Variants in TENM3 observed in about 807,000 individuals in gnomAD.
TENM3 encodes teneurin-3.
A neutral mutation model predicts 255.1 loss-of-function variants in TENM3; 63 were observed. The ratio of observed to expected loss-of-function variants is 0.25; its 90% confidence interval spans 0.20 to 0.30. The LOEUF is 0.30. TENM3 is among the 10% of genes least tolerant of loss of function. The pLI is 1.00. For missense variants in TENM3, 2,929 were observed against 3,461.1 expected, an observed-to-expected ratio of 0.85 and a Z score of 3.86; for synonymous variants, 1,306 against 1,322.3, an observed-to-expected ratio of 0.99 and a Z score of 0.27.
upstream of TENM3, among the ~76,000 whole-genome samples, chr4:182,239,159 C>T (rs2150054854): frequency 6.6e-6 from 1 of 151,872 alleles, no homozygotes; most frequent in South Asian, 2.1e-4. Flanking sequence ...TCACTGTAAC[C>T]TCCGCCTCCT....
chr4:182,085,977 T>G, the TENM3 span, among the ~76,000 whole-genome samples: 1 of 152,166 alleles, frequency 6.6e-6, no homozygotes, highest in Non-Finnish European at 1.5e-5. Context: ...TGAGGAATTG[T>G]TATAAGTTGT....
At chr4:181,656,028 A>G in the TENM3 span, among the ~76,000 whole-genome samples, 1 of 152,156 alleles carries the variant, frequency 6.6e-6, no homozygotes, top group African/African-American at 2.4e-5. Context: ...GTGAGTTTCC[A>G]TCTCCCTTGG....
At chr4:182,745,788 G>T (rs1761965431) in intron 19 of TENM3, among the ~76,000 whole-genome samples, 1 of 144,570 alleles carries the variant, frequency 6.9e-6, no homozygotes, top group African/African-American at 2.6e-5. Flanking sequence ...CATTTTACCT[G>T]TTATTTAAAG....
At chr4:181,905,512 A>G in the TENM3 span, among the ~76,000 whole-genome samples, 2 of 147,768 alleles carry the variant, frequency 1.4e-5, no homozygotes, top group African/African-American at 2.5e-5. Context: ...CGTGCCCACT[A>G]TGTTGCAGAT....
intron 1 of TENM3, among the ~76,000 whole-genome samples, chr4:182,221,931 T>A (rs1755873896): frequency 6.6e-6 from 1 of 152,010 alleles, no homozygotes; most frequent in South Asian, 2.1e-4. Flanking sequence ...GTGGAGAGTT[T>A]AAAAAAAAGC....
At chr4:182,251,859 T>C (rs780309579) in intron 1 of TENM3, among the ~76,000 whole-genome samples, 2 of 152,206 alleles carry the variant, frequency 1.3e-5, no homozygotes, top group Non-Finnish European at 2.9e-5. Flanking sequence ...TTCATTTCAA[T>C]ATGTTACTTT....
At chr4:181,933,398 A>G in the TENM3 span, among the ~76,000 whole-genome samples, 1 of 152,316 alleles carries the variant, frequency 6.6e-6, no homozygotes, top group Admixed American at 6.5e-5. Context: ...TTTGGTTGTC[A>G]TGAATAAACT....
the TENM3 span, among the ~76,000 whole-genome samples, chr4:181,921,525 GCT>G: frequency 6.6e-6 from 1 of 152,054 alleles, no homozygotes; most frequent in African/African-American, 2.4e-5. Flanking sequence ...TCATGATTTG[GCT>G]CTCTGTTTGT....
At position 182,800,286 on chromosome 4, in the gene TENM3, C is replaced by T; in HGVS notation, c.8035C>T (p.Pro2679Ser). 6.4e-7 allele frequency: 1 copy of T among 1,565,930 alleles called. No individual in the cohort carries two copies. The highest frequency in any genetic ancestry group is 8.6e-7 in the Non-Finnish European group (1 of 1,165,182). Residue 2679 changes from proline (P) to serine (S), a missense_variant, in exon 28 of 28, where the codon CCC becomes TCC. Physicochemically the swap from Pro to Ser is moderately conservative, Grantham distance 74 (BLOSUM62 -1). Around this residue, in one of 6 missense-constraint regions of TENM3, gnomAD observed 476 missense variants for 480.1 expected, o/e 0.99. Coordinates refer to ENST00000511685, the MANE Select transcript of TENM3 (RefSeq NM_001080477.4). The stretch of plus-strand genomic sequence containing the variant: ...CTACGTACTCTCGGTGGAGCAGTAC[C>T]CCGAGCTGGCCGACAGCGCCAACAA... ...GYYVLSVEQY[P>S]ELADSANNIQ...
At chr4:181,819,903 G>C in the TENM3 span, 1 of 151,602 alleles carries the variant, frequency 6.6e-6, no homozygotes, top group African/African-American at 2.4e-5. Flanking sequence ...AAGTAACTGT[G>C]GTTCTCAAAA....
the TENM3 span, among the ~76,000 whole-genome samples, chr4:181,555,270 C>T: frequency 9.2e-5 from 14 of 152,230 alleles, no homozygotes; most frequent in East Asian, 1.6e-3. Flanking sequence ...ACTGGTGCAA[C>T]GCCACATAGC....
chr4:181,589,425 G>GTCC, the TENM3 span, among the ~76,000 whole-genome samples: 1 of 152,098 alleles, frequency 6.6e-6, no homozygotes, highest in Non-Finnish European at 1.5e-5. Context: ...AACATTGAAT[G>GTCC]CTATGTACAA....
the TENM3 span, among the ~76,000 whole-genome samples, chr4:181,660,899 C>T: frequency 6.6e-6 from 1 of 152,136 alleles, no homozygotes; most frequent in Non-Finnish European, 1.5e-5. Context: ...GGATTACATT[C>T]TATCCATGCT....
chr4:181,597,981 G>A, the TENM3 span, among the ~76,000 whole-genome samples: 3 of 152,144 alleles, frequency 2.0e-5, no homozygotes, highest in Non-Finnish European at 4.4e-5. Context: ...CATTCTGTGG[G>A]TCATCCCCAG....
At chr4:182,719,392 G>A (rs908477775) in intron 13 of TENM3, among the ~76,000 whole-genome samples, 1 of 150,374 alleles carries the variant, frequency 6.7e-6, no homozygotes, top group Admixed American at 6.7e-5. Context: ...CTCCCGAGTA[G>A]CTGGGACTAT....
chr4:182,706,647 C>T (rs1473757737), intron 12 of TENM3, among the ~76,000 whole-genome samples: 2 of 152,084 alleles, frequency 1.3e-5, no homozygotes, highest in Non-Finnish European at 2.9e-5. Context: ...ATTTTATCTG[C>T]TTTAATATAA....
the TENM3 span, among the ~76,000 whole-genome samples, chr4:182,082,965 T>C: frequency 6.6e-6 from 1 of 152,204 alleles, no homozygotes; most frequent in Non-Finnish European, 1.5e-5. Context: ...ATATCTACTT[T>C]ATTATAGTGA....
chr4:181,562,840 A>G, the TENM3 span, among the ~76,000 whole-genome samples: 3 of 151,906 alleles, frequency 2.0e-5, no homozygotes, highest in African/African-American at 4.8e-5. Flanking sequence ...ATGCCTGGCT[A>G]ATTTTGGTAT....
the TENM3 span, among the ~76,000 whole-genome samples, chr4:181,933,065 A>G: frequency 2.0e-3 from 307 of 152,224 alleles, 1 homozygote; most frequent in Non-Finnish European, 3.2e-3. Context: ...GCTAATGTAG[A>G]TGACAGGTTG....
Sources: allele counts gnomAD v4.1 joint callset (sites outside exome capture counted in the v4.1 genomes callset), GRCh38; gene constraint gnomAD v4.1.1; regional missense constraint gnomAD v4.1.1; transcripts MANE v1.5; gene names NCBI Gene and HGNC (gene_info 2026-07-23, HGNC 2026-07-21).